The following DLGAP2 variants were observed in gnomAD, a reference collection of about 807,000 sequenced individuals.
The protein encoded by DLGAP2 is DLG associated protein 2.
DLGAP2 carries 26 observed loss-of-function variants against 100.3 expected under a neutral mutation model. That is an observed-to-expected ratio of 0.26 (90% CI 0.19 to 0.36). The LOEUF (loss-of-function observed/expected upper bound fraction) is 0.36. Ranked by LOEUF, DLGAP2 falls within the 10% of genes least tolerant of loss-of-function variation. DLGAP2 has a pLI of 1.00. For synonymous variants in DLGAP2, 886 were observed against 630.1 expected, an observed-to-expected ratio of 1.41 and a Z score of -6.08; for missense variants, 1,858 against 1,453.2, an observed-to-expected ratio of 1.28 and a Z score of -4.53.
At chr8:795,973 C>T (rs1348318865) in intron 1 of DLGAP2, among the ~76,000 whole-genome samples, 50 of 125,690 alleles carry the variant, frequency 4.0e-4, no homozygotes, top group Middle Eastern at 5.2e-3. Context: ...TGAGAGCAGG[C>T]GTCCAGTGAG....
chr8:1,036,670 A>G (rs1251114665), intron 2 of DLGAP2, among the ~76,000 whole-genome samples: 1 of 152,064 alleles, frequency 6.6e-6, no homozygotes, highest in Non-Finnish European at 1.5e-5. Context: ...CGTGCACCCT[A>G]GAGAGCAGCT....
chr8:1,566,291 TTGTAAG>T (rs1802398092), intron 6 of DLGAP2, among the ~76,000 whole-genome samples: 2 of 152,222 alleles, frequency 1.3e-5, no homozygotes, highest in South Asian at 4.1e-4. Context: ...GACTATAACT[TTGTAAG>T]TGCATTTCTA....
intron 3 of DLGAP2, among the ~76,000 whole-genome samples, chr8:1,422,700 C>T (rs1797129195): frequency 6.6e-6 from 1 of 152,044 alleles, no homozygotes; most frequent in African/African-American, 2.4e-5. Context: ...ACAGCAGGTG[C>T]TCGTTAAGTG....
At chr8:755,633 C>A (rs1458495671) in intron 1 of DLGAP2, among the ~76,000 whole-genome samples, 1 of 152,010 alleles carries the variant, frequency 6.6e-6, no homozygotes, top group African/African-American at 2.4e-5. Flanking sequence ...TGAATGTATT[C>A]CAGGCCCAGG....
At chr8:980,538 G>T (rs1310397787) in intron 2 of DLGAP2, among the ~76,000 whole-genome samples, 2 of 152,194 alleles carry the variant, frequency 1.3e-5, no homozygotes, top group African/African-American at 2.4e-5. Context: ...GCTTATTTCT[G>T]TTCTCTCTTC....
At position 1,315,033 on chromosome 8, in the gene DLGAP2, C is replaced by T. The variant is rs191008497; in HGVS notation, c.106+56150C>T. Reference sequence around the variant, plus strand: ...TATTAATAGGACTTCCAGAACACCGCTCCGTGGCGGTGGTTTTCTAAGTGA... The same window carrying T: ...TATTAATAGGACTTCCAGAACACCGTTCCGTGGCGGTGGTTTTCTAAGTGA... On this transcript the variant is annotated intron_variant, in intron 3 of 14. Transcript: ENST00000637795. Among the ~76,000 whole-genome samples the T allele has an allele frequency of 3.5e-4, 53 of 152,342 alleles. No homozygotes were observed. The East Asian group carries it at 9.8e-3, about 28-fold the overall frequency.
At chr8:894,502 G>A (rs549395271) in intron 1 of DLGAP2, among the ~76,000 whole-genome samples, 50 of 151,700 alleles carry the variant, frequency 3.3e-4, no homozygotes, top group African/African-American at 1.1e-3. Context: ...GGGGGACACC[G>A]TGACAAATAA....
At chr8:1,403,723 A>C (rs1323745438) in intron 3 of DLGAP2, among the ~76,000 whole-genome samples, 86 of 9,816 alleles carry the variant, frequency 8.8e-3, no homozygotes, top group African/African-American at 0.011. Flanking sequence ...ACTGAGCGCC[A>C]CCTCCTTGTC....
At chr8:835,397 G>A (rs958531431) in intron 1 of DLGAP2, among the ~76,000 whole-genome samples, 4 of 151,854 alleles carry the variant, frequency 2.6e-5, no homozygotes, top group African/African-American at 9.7e-5. Flanking sequence ...AAATCAAAAC[G>A]TGACGACATC....
intron 1 of DLGAP2, among the ~76,000 whole-genome samples, chr8:901,602 G>A (rs1241863772): frequency 2.0e-5 from 3 of 152,316 alleles, no homozygotes; most frequent in African/African-American, 7.2e-5. Context: ...CCGGGTAGGG[G>A]TTCAGAGGAG....
chr8:1,310,145 A>G (rs1437545164), intron 3 of DLGAP2, among the ~76,000 whole-genome samples: 3 of 152,138 alleles, frequency 2.0e-5, no homozygotes, highest in East Asian at 1.9e-4. Context: ...TTTAATCCTA[A>G]TATTATAAAT....
chr8:1,232,534 T>C (rs1267752775), intron 2 of DLGAP2, among the ~76,000 whole-genome samples: 1 of 152,244 alleles, frequency 6.6e-6, no homozygotes. Context: ...TGTGCTGGGC[T>C]GAGGCTCAAT....
At chr8:976,734 A>G (rs1400164893) in intron 2 of DLGAP2, among the ~76,000 whole-genome samples, 1 of 152,246 alleles carries the variant, frequency 6.6e-6, no homozygotes, top group African/African-American at 2.4e-5. Flanking sequence ...CTGGACATCT[A>G]CATGCAAGAA....
intron 3 of DLGAP2, among the ~76,000 whole-genome samples, chr8:1,448,010 T>A (rs1308071240): frequency 6.6e-6 from 1 of 151,890 alleles, no homozygotes; most frequent in Non-Finnish European, 1.5e-5. Flanking sequence ...GCAGTCTATC[T>A]ATTTTGTTGA....
At chr8:1,251,227 A>G (rs767757120) in intron 2 of DLGAP2, among the ~76,000 whole-genome samples, 26 of 152,222 alleles carry the variant, frequency 1.7e-4, no homozygotes, top group Non-Finnish European at 3.4e-4. Context: ...ATTTATAAAT[A>G]TACATGACTG....
chr8:1,189,453 G>A (rs894975208), intron 2 of DLGAP2, among the ~76,000 whole-genome samples: 1 of 152,218 alleles, frequency 6.6e-6, no homozygotes, highest in African/African-American at 2.4e-5. Context: ...TCACCACCAA[G>A]AGACGTTTAA....
chr8:1,704,513 G>A lies in DLGAP2; in HGVS notation c.*3107G>A, dbSNP rs192383386. The A allele has an allele frequency of 1.3e-5, 2 of 152,326 alleles. No homozygotes were observed. Among genetic ancestry groups the A allele is most frequent in the Admixed American group, 6.5e-5 (1 of 15,304 alleles). The allele number at this position is 152,326 out of a possible 1,614,324, so 9.4% of individuals were successfully genotyped here. On this transcript the variant is annotated 3_prime_UTR_variant, in exon 15 of 15. Coordinates refer to ENST00000637795, the MANE Select transcript of DLGAP2 (RefSeq NM_001346810.2). The stretch of plus-strand genomic sequence containing the variant: ...TGTGATGCGTCTCTCGCATCTTCAC[G>A]TGTTGTTGTGTTTGAAGTAAAACTA...
intron 6 of DLGAP2, among the ~76,000 whole-genome samples, chr8:1,618,206 C>T (rs558671323): frequency 6.6e-6 from 1 of 152,246 alleles, no homozygotes; most frequent in South Asian, 2.1e-4. Flanking sequence ...TGATTGTTTA[C>T]ATAGAAAACC....
At chr8:1,583,420 G>C (rs1180383816) in intron 6 of DLGAP2, among the ~76,000 whole-genome samples, 2 of 152,162 alleles carry the variant, frequency 1.3e-5, no homozygotes, top group South Asian at 4.1e-4. Flanking sequence ...GGGCAAGCTG[G>C]GTACCTGGCC....
Sources: gnomAD v4.1 joint callset for allele counts (sites outside exome capture counted in the v4.1 genomes callset) on GRCh38, gnomAD v4.1.1 for gene constraint, MANE v1.5 for transcripts, NCBI Gene and HGNC (gene_info 2026-07-23, HGNC 2026-07-21) for gene names.